Variants in NUBPL observed in about 807,000 individuals in gnomAD.
NUBPL encodes the protein NUBP iron-sulfur cluster assembly factor, mitochondrial, also known as iron-sulfur cluster transfer protein NUBPL.
In NUBPL, 31 loss-of-function variants were observed where a neutral mutation model predicts 45.7. That is an observed-to-expected ratio of 0.68 (90% CI 0.51 to 0.92). NUBPL has a LOEUF of 0.92. Among genes scored for constraint, NUBPL ranks in the 40% least tolerant of loss-of-function variants. The pLI is 0.00. For synonymous variants in NUBPL, 144 were observed against 140.9 expected (o/e 1.02, Z -0.15); for missense variants, 401 against 398.7 (o/e 1.01, Z -0.05).
Position 31,839,824 on chromosome 14 carries a change from A to C in NUBPL, c.694-6647A>C, listed in dbSNP as rs2040340150. Among the ~76,000 whole-genome samples the C allele has an allele frequency of 2.0e-5, 3 of 152,366 alleles. No individual in the cohort carries two copies. The South Asian group carries it at 6.2e-4, about 32-fold the overall frequency. ...CTCAAGAGAAGACATACAAATGGCC[A>C]ACAGGTATGTGAAAAAATGCTAGTA... On this transcript the variant is annotated intron_variant, in intron 8 of 10. Transcript: ENST00000281081.
chr14:31,676,204 G>A (rs897232916), intron 6 of NUBPL, among the ~76,000 whole-genome samples: 5 of 152,040 alleles, frequency 3.3e-5, no homozygotes, highest in African/African-American at 1.2e-4. Flanking sequence ...TGTATTTTTA[G>A]TAGGGACGGG....
At chr14:31,725,625 A>C (rs1483056948) in intron 6 of NUBPL, among the ~76,000 whole-genome samples, 1 of 151,896 alleles carries the variant, frequency 6.6e-6, no homozygotes, top group African/African-American at 2.4e-5. Flanking sequence ...ACCCCATCAC[A>C]TGAAGTCAGA....
At position 31,859,471 on chromosome 14, in the gene NUBPL, A is replaced by G. The variant is rs2040678241; in HGVS notation, c.*291A>G. The G allele has an allele frequency of 2.4e-6, 1 of 415,160 alleles. No individual in the cohort carries two copies. 25.7% of individuals were successfully genotyped at this position (415,160 alleles called of 1,614,324 possible). On this transcript the variant is annotated 3_prime_UTR_variant, in exon 11 of 11. Transcript: ENST00000281081. ...GAAATCACGAGTTTATGATGTTACAAGTCCATTTTGGGAGAGAACTGTACA... is the reference window on the plus strand; with the variant it reads ...GAAATCACGAGTTTATGATGTTACAGGTCCATTTTGGGAGAGAACTGTACA...
At chr14:31,748,813 A>G (rs138922667) in intron 6 of NUBPL, among the ~76,000 whole-genome samples, 1,820 of 152,150 alleles carry the variant, frequency 0.012, 28 homozygotes, top group African/African-American at 0.034. Flanking sequence ...GGGTTTCACC[A>G]TGATGGCCAG....
At chr14:31,639,900 T>C (rs2035631821) in intron 4 of NUBPL, among the ~76,000 whole-genome samples, 1 of 152,148 alleles carries the variant, frequency 6.6e-6, no homozygotes, top group African/African-American at 2.4e-5. Context: ...AGGTGCGGGA[T>C]ATAATCTCCT....
In NUBPL at chr14:31,656,087, A is replaced by T. The variant is rs78689153; in HGVS notation, c.383-17268A>T. 3.9e-4 allele frequency among the ~76,000 whole-genome samples: 59 copies of T among 152,168 alleles called. 1 individual carries two copies. Among genetic ancestry groups the T allele is most frequent in the African/African-American group, 1.3e-3 (52 of 41,518 alleles). ...CACCTTGTACTTTTATGTTATAGAG[A>T]TGGCTTTTTTTTTCTTAAACCTCAT... is the stretch of plus-strand genomic sequence containing the variant. On this transcript the variant is annotated intron_variant, in intron 4 of 10. Transcript: ENST00000281081.
chr14:31,774,699 A>G (rs1389873774), intron 6 of NUBPL, among the ~76,000 whole-genome samples: 1 of 152,226 alleles, frequency 6.6e-6, no homozygotes. Flanking sequence ...AGATTATTAG[A>G]CATTATTTTG....
In NUBPL at chr14:31,747,206, G is replaced by A. The variant is rs548696185; in HGVS notation, c.514-40574G>A. ...GCTGGAGTGCAGTGGCACGATCTTG[G>A]CTTACTGCAAACTCTGCCTCCTGGG... is the stretch of plus-strand genomic sequence containing the variant. On this transcript the variant is annotated intron_variant, in intron 6 of 10. Coordinates refer to ENST00000281081, the MANE Select transcript of NUBPL (RefSeq NM_025152.3). Among the ~76,000 whole-genome samples, 61 of 147,796 alleles carry A rather than the reference G, an allele frequency of 4.1e-4. 3 individuals carry two copies. Among genetic ancestry groups the A allele is most frequent in the African/African-American group, 1.4e-3 (54 of 38,840 alleles).
chr14:31,759,289 G>A (rs1298678413), intron 6 of NUBPL, among the ~76,000 whole-genome samples: 1 of 151,926 alleles, frequency 6.6e-6, no homozygotes, highest in Non-Finnish European at 1.5e-5. Flanking sequence ...GGGATAATAT[G>A]GAGTTGCCTT....
chr14:31,757,964 A>G (rs1192891744), intron 6 of NUBPL, among the ~76,000 whole-genome samples: 1 of 152,016 alleles, frequency 6.6e-6, no homozygotes, highest in Non-Finnish European at 1.5e-5. Context: ...TGTTCTCTCT[A>G]TCTGGAAACT....
chr14:31,584,142 AG>A (rs1482471054), intron 3 of NUBPL, among the ~76,000 whole-genome samples: 1 of 150,982 alleles, frequency 6.6e-6, no homozygotes, highest in African/African-American at 2.4e-5. Flanking sequence ...CTGAAGTTCC[AG>A]CAGTTTTCTT....
At chr14:31,801,825 A>G (rs1258986538) in intron 7 of NUBPL, among the ~76,000 whole-genome samples, 1 of 152,214 alleles carries the variant, frequency 6.6e-6, no homozygotes, top group Non-Finnish European at 1.5e-5. Context: ...AGGGAACAGC[A>G]GAAGTGGTAC....
At chr14:31,725,655 C>G (rs4981893) in intron 6 of NUBPL, among the ~76,000 whole-genome samples, 135,680 of 150,868 alleles carry the variant, frequency 0.9, 61,286 homozygotes, top group East Asian at 0.99. Context: ...TTCCACTTGT[C>G]GGGTCATGTC....
chr14:31,691,617 G>A (rs1322447384), intron 6 of NUBPL, among the ~76,000 whole-genome samples: 2 of 152,198 alleles, frequency 1.3e-5, no homozygotes, highest in Non-Finnish European at 2.9e-5. Context: ...TGATGCAGTG[G>A]AGCTGAATTG....
At chr14:31,671,826 A>T (rs1009799913) in intron 4 of NUBPL, among the ~76,000 whole-genome samples, 11 of 152,214 alleles carry the variant, frequency 7.2e-5, no homozygotes, top group African/African-American at 2.4e-4. Context: ...AGGATTTCTT[A>T]TATAATCCAT....
intron 6 of NUBPL, among the ~76,000 whole-genome samples, chr14:31,724,049 C>T (rs1287375607): frequency 6.6e-6 from 1 of 152,156 alleles, no homozygotes; most frequent in East Asian, 1.9e-4. Flanking sequence ...AGCTTTTGCC[C>T]ATTCAATATG....
chr14:31,722,989 T>G (rs2037845788), intron 6 of NUBPL, among the ~76,000 whole-genome samples: 1 of 152,224 alleles, frequency 6.6e-6, no homozygotes, highest in Admixed American at 6.5e-5. Flanking sequence ...GCAATTGCTG[T>G]TGGTGTCTTT....
chr14:31,629,339 A>T (rs1294776102), intron 4 of NUBPL, among the ~76,000 whole-genome samples: 1 of 152,198 alleles, frequency 6.6e-6, no homozygotes, highest in Non-Finnish European at 1.5e-5. Context: ...AATGTCAGGA[A>T]ATACCTTATT....
intron 4 of NUBPL, among the ~76,000 whole-genome samples, chr14:31,626,729 G>A (rs2035216396): frequency 6.6e-6 from 1 of 152,102 alleles, no homozygotes. Context: ...GTGTTCTTAA[G>A]GTTCCTAATT....
Sources: gnomAD v4.1 joint callset for allele counts (sites outside exome capture counted in the v4.1 genomes callset) on GRCh38, gnomAD v4.1.1 for gene constraint, MANE v1.5 for transcripts, NCBI Gene and HGNC (gene_info 2026-07-23, HGNC 2026-07-21) for gene names.